The following MCC variants were observed in gnomAD, a reference collection of about 807,000 sequenced individuals.
MCC encodes colorectal mutant cancer protein.
A neutral mutation model predicts 116.2 loss-of-function variants in MCC; 90 were observed. The ratio of observed to expected loss-of-function variants is 0.77; its 90% CI spans 0.65 to 0.92. The LOEUF is 0.92. MCC is among the 40% of genes least tolerant of loss of function. The pLI, the probability that MCC is intolerant of heterozygous loss-of-function variation, is 0.00. For missense variants in MCC, 1,516 were observed against 1,312.2 expected, an observed-to-expected ratio of 1.16 and a Z score of -2.40; for synonymous variants, 578 against 510.5, an observed-to-expected ratio of 1.13 and a Z score of -1.78.
intron 16 of MCC, chr5:113,044,460 G>GC: frequency 1.0e-6 from 1 of 981,114 alleles, no homozygotes; most frequent in African/African-American, 1.7e-5. Flanking sequence ...TAGTACCATG[G>GC]CTGGGGGAAG....
Position 113,049,317 on chromosome 5 carries a change from C to G in MCC, c.2449-18G>C, listed in dbSNP as rs1377663575. 1 of 1,552,148 alleles carries G rather than the reference C, an allele frequency of 6.4e-7. No homozygotes were observed. The highest frequency in any genetic ancestry group is 1.9e-5 in the Admixed American group (1 of 51,776). On this transcript the variant is annotated intron_variant, in intron 15 of 18. Transcript: ENST00000408903. ...ATCTCCTCCTACAGACAAAGGAGCA[C>G]AGAGCACATGAGGCATGCCCTATCT...
intron 3 of MCC, among the ~76,000 whole-genome samples, chr5:113,313,279 G>A (rs1015951506): frequency 2.0e-5 from 3 of 152,012 alleles, no homozygotes; most frequent in East Asian, 1.9e-4. Flanking sequence ...CCCAGGAGGC[G>A]GAGGTTGCAG....
chr5:113,485,276 G>T (rs1271171595), intron 1 of MCC, among the ~76,000 whole-genome samples: 1 of 152,172 alleles, frequency 6.6e-6, no homozygotes, highest in African/African-American at 2.4e-5. Flanking sequence ...GGGTTCAGCG[G>T]AGGACCAGAG....
At chr5:113,421,061 T>C (rs774005886) in intron 1 of MCC, among the ~76,000 whole-genome samples, 1 of 152,046 alleles carries the variant, frequency 6.6e-6, no homozygotes, top group Non-Finnish European at 1.5e-5. Flanking sequence ...TCTCACTCTG[T>C]TGCCTAGGCT....
At chr5:113,070,974 T>C (rs577618197) in intron 12 of MCC, 120 bp downstream of exon 12, 38 of 1,095,612 alleles carry the variant, frequency 3.5e-5, no homozygotes, top group Non-Finnish European at 4.8e-5. Flanking sequence ...CCGCCAGATA[T>C]GCCTTGGTCC....
At chr5:113,139,200 A>G (rs1397709709) in intron 5 of MCC, among the ~76,000 whole-genome samples, 1 of 152,192 alleles carries the variant, frequency 6.6e-6, no homozygotes, top group Non-Finnish European at 1.5e-5. Flanking sequence ...TTTTAAGGAC[A>G]TTATCTCCCA....
At chr5:113,373,067 T>C (rs1351774155) in intron 2 of MCC, among the ~76,000 whole-genome samples, 1 of 151,804 alleles carries the variant, frequency 6.6e-6, no homozygotes, top group Non-Finnish European at 1.5e-5. Flanking sequence ...TAGTCTCAGC[T>C]ACTCGGGAGG....
intron 3 of MCC, among the ~76,000 whole-genome samples, chr5:113,210,888 C>T (rs1763111264): frequency 6.6e-6 from 1 of 152,180 alleles, no homozygotes; most frequent in South Asian, 2.1e-4. Flanking sequence ...TTGAAAGATG[C>T]TTATCAGAAG....
At chr5:113,433,801 T>G (rs754009944) in intron 1 of MCC, 2 of 1,613,966 alleles carry the variant, frequency 1.2e-6, no homozygotes, top group East Asian at 2.2e-5. Flanking sequence ...GTCGACGGCT[T>G]GCTGGGGAAA....
At chr5:113,399,097 A>C (rs956737698) in intron 1 of MCC, among the ~76,000 whole-genome samples, 1 of 152,244 alleles carries the variant, frequency 6.6e-6, no homozygotes. Flanking sequence ...TTTGTTCATC[A>C]CAGAAAGTTC....
At chr5:113,426,419 C>G (rs144976212) in intron 1 of MCC, among the ~76,000 whole-genome samples, 58 of 152,318 alleles carry the variant, frequency 3.8e-4, no homozygotes, top group African/African-American at 1.1e-3. Context: ...ATCCCCAGGA[C>G]TAGTTAGTTA....
intron 3 of MCC, among the ~76,000 whole-genome samples, chr5:113,264,932 C>T (rs1765365666): frequency 6.6e-6 from 1 of 152,060 alleles, no homozygotes; most frequent in Non-Finnish European, 1.5e-5. Context: ...GTCCCAGCTA[C>T]TTGGGAGGCT....
chr5:113,052,928 A>C (rs1393168425), intron 15 of MCC, among the ~76,000 whole-genome samples: 1 of 152,222 alleles, frequency 6.6e-6, no homozygotes, highest in Non-Finnish European at 1.5e-5. Context: ...GCTCAGCAAG[A>C]AACTCCAAGG....
rs367880923 is a variant in MCC at position 113,230,449 on chromosome 5, A to C, written c.628-79027T>G. 5.9e-5 allele frequency among the ~76,000 whole-genome samples: 9 copies of C among 152,294 alleles called. No individual in the cohort carries two copies. The East Asian group carries it at 1.4e-3, about 23-fold the overall frequency. On this transcript the variant is annotated intron_variant, in intron 3 of 18. Coordinates refer to ENST00000408903, the MANE Select transcript of MCC (RefSeq NM_001085377.2). Reference sequence around the variant, plus strand: ...AATGTTAATAAGAGGGCCCTAATCAAATTCTTATATGCAACATTGCCCATC... The same window carrying C: ...AATGTTAATAAGAGGGCCCTAATCACATTCTTATATGCAACATTGCCCATC...
intron 5 of MCC, among the ~76,000 whole-genome samples, chr5:113,142,912 T>C (rs1486580938): frequency 6.6e-6 from 1 of 152,152 alleles, no homozygotes; most frequent in Non-Finnish European, 1.5e-5. Context: ...AGCATTTCAC[T>C]CAACTTCTGA....
rs554675707 is a variant in MCC at position 113,437,714 on chromosome 5, C to T, written c.170+50531G>A. 3.9e-5 allele frequency among the ~76,000 whole-genome samples: 6 copies of T among 152,170 alleles called. No homozygotes were observed. In the East Asian group the frequency reaches 1.2e-3, roughly 29 times the overall value. On this transcript the variant is annotated intron_variant, in intron 1 of 18. Transcript: ENST00000408903. ...ATCTACTCGGCAGTTTCTCCCACCC[C>T]CTTTTTGTCTTTTGATTCTTTAGAT... is the stretch of plus-strand genomic sequence containing the variant.
chr5:113,082,839 A>G (rs1276239682), intron 11 of MCC, 21 bp downstream of exon 11: 2 of 1,611,354 alleles, frequency 1.2e-6, no homozygotes, highest in South Asian at 1.1e-5. Context: ...CCACAATCAA[A>G]TCGATACGAT....
chr5:113,453,049 T>G (rs1771444840), intron 1 of MCC, among the ~76,000 whole-genome samples: 1 of 152,216 alleles, frequency 6.6e-6, no homozygotes, highest in South Asian at 2.1e-4. Context: ...ACTTGCTGAT[T>G]AATGTTAATG....
At chr5:113,432,122 G>A (rs933688291) in intron 1 of MCC, among the ~76,000 whole-genome samples, 14 of 151,418 alleles carry the variant, frequency 9.2e-5, no homozygotes, top group African/African-American at 3.2e-4. Context: ...GAGATAGAGC[G>A]AGACTCCGTC....
Sources: allele counts gnomAD v4.1 joint callset (sites outside exome capture counted in the v4.1 genomes callset), GRCh38; gene constraint gnomAD v4.1.1; transcripts MANE v1.5; gene names NCBI Gene and HGNC (gene_info 2026-07-23, HGNC 2026-07-21).